Variants in ATAD5 observed in about 807,000 individuals in gnomAD.
ATAD5 encodes the protein ATPase family AAA domain-containing protein 5.
ATAD5 carries 58 observed loss-of-function variants against 176.9 expected under a neutral mutation model. That is an observed-to-expected ratio of 0.33 (90% CI 0.27 to 0.41). ATAD5 has a LOEUF of 0.41. ATAD5 is among the 10% of genes least tolerant of loss of function. The pLI, the probability that ATAD5 is intolerant of heterozygous loss-of-function variation, is 1.00. For missense variants in ATAD5, 1,789 were observed against 2,094.1 expected, an observed-to-expected ratio of 0.85 and a Z score of 2.84; for synonymous variants, 640 against 712.6, an observed-to-expected ratio of 0.90 and a Z score of 1.62.
rs543260060 is a variant in ATAD5 at position 30,842,469 on chromosome 17, C to G, written c.2242-1444C>G. 1.5e-3 allele frequency among the ~76,000 whole-genome samples: 229 copies of G among 152,240 alleles called. 1 individual carries two copies. Among genetic ancestry groups the G allele is most frequent in the Non-Finnish European group, 1.9e-3 (126 of 68,028 alleles). On this transcript the variant is annotated intron_variant, in intron 4 of 22. Coordinates refer to ENST00000321990, the MANE Select transcript of ATAD5 (RefSeq NM_024857.5). ...ATCTGCTCATGGGCTAGCTCTCCCT[C>G]TCTCCCCTACATTCAGATGTAACAT...
At chr17:30,851,993 T>A (rs749982732) in intron 6 of ATAD5, among the ~76,000 whole-genome samples, 4 of 152,196 alleles carry the variant, frequency 2.6e-5, no homozygotes, top group Non-Finnish European at 5.9e-5. Context: ...AATGCCAAAA[T>A]CTTGTTTCTC....
chr17:30,876,092 A>C (rs1399889174), intron 14 of ATAD5, among the ~76,000 whole-genome samples: 1 of 150,890 alleles, frequency 6.6e-6, no homozygotes, highest in African/African-American at 2.4e-5. Flanking sequence ...AGCCGAGATC[A>C]TGCCACTGCA....
intron 18 of ATAD5, among the ~76,000 whole-genome samples, chr17:30,884,882 G>A (rs1909230222): frequency 6.6e-6 from 1 of 151,726 alleles, no homozygotes; most frequent in South Asian, 2.1e-4. Context: ...CGAGTAGCTG[G>A]GACTACAGGC....
intron 11 of ATAD5, among the ~76,000 whole-genome samples, chr17:30,867,038 T>G (rs1908031933): frequency 1.3e-5 from 2 of 151,840 alleles, no homozygotes; most frequent in African/African-American, 2.4e-5. Flanking sequence ...TTCTAAGTAC[T>G]TGTATTGTTC....
chr17:30,876,414 A>G lies in ATAD5; in HGVS notation c.3648A>G (p.Arg1216=). The G allele has an allele frequency of 6.2e-7, 1 of 1,602,520 alleles. No homozygotes were observed. Among genetic ancestry groups the G allele is most frequent in the African/African-American group, 1.3e-5 (1 of 74,446 alleles). ...SSPKKVVTSP[R]KVPPPSPKSS... The stretch of plus-strand genomic sequence containing the variant: ...CTAAGAAAGTTGTTACATCACCAAG[A>G]AAAGTTCCTCCACCATCACCAAAAA... The change falls in exon 15 of 23, where the codon AGA becomes AGG. Residue 1216 remains arginine, a synonymous_variant. Transcript: ENST00000321990.
chr17:30,846,430 G>T, intron 6 of ATAD5, among the ~76,000 whole-genome samples: 1 of 146,476 alleles, frequency 6.8e-6, no homozygotes. Context: ...TTTAGACGGA[G>T]TCTCACTCTG....
In ATAD5 at chr17:30,850,833, T is replaced by TTTTATATATA. The variant is rs1158266099; in HGVS notation, c.2451-4309_2451-4308insTTATATATAT. On this transcript the variant is annotated intron_variant, in intron 6 of 22. Transcript: ENST00000321990. ...AATTATTATTTATATTTATATATTTTTATATATATATATATATATATATAT... is the reference window on the plus strand; with the variant it reads ...AATTATTATTTATATTTATATATTTTTTTATATATATATATATATATATATATATATATAT... 2.9e-4 allele frequency among the ~76,000 whole-genome samples: 8 copies of TTTTATATATA among 27,840 alleles called. 1 individual carries two copies. Among genetic ancestry groups the TTTTATATATA allele is most frequent in the East Asian group, 2.0e-3 (2 of 1,016 alleles). 18.3% of individuals were successfully genotyped at this position (27,840 alleles called of 152,430 possible).
chr17:30,873,297 C>A (rs1908444609), intron 14 of ATAD5, among the ~76,000 whole-genome samples: 1 of 149,402 alleles, frequency 6.7e-6, no homozygotes, highest in Non-Finnish European at 1.5e-5. Flanking sequence ...GAAGGTAGTT[C>A]TTTTGGTGTG....
intron 10 of ATAD5, 33 bp from the exon 11 acceptor site, chr17:30,865,671 T>C (rs1223155329): frequency 1.5e-6 from 2 of 1,360,380 alleles, no homozygotes; most frequent in African/African-American, 3.0e-5. Context: ...TGTCAAGGAA[T>C]GAATACCTTA....
chr17:30,888,811 T>C (rs1356835645), intron 19 of ATAD5, among the ~76,000 whole-genome samples: 1 of 152,114 alleles, frequency 6.6e-6, no homozygotes, highest in East Asian at 1.9e-4. Flanking sequence ...CTCACGCCTG[T>C]AATCCCAGCA....
Position 30,877,398 on chromosome 17 carries a change from A to T in ATAD5, c.3785-18A>T. The T allele has an allele frequency of 7.1e-7, 1 of 1,418,422 alleles. No homozygotes were observed. Among genetic ancestry groups the T allele is most frequent in the Non-Finnish European group, 9.8e-7 (1 of 1,023,416 alleles). 87.9% of individuals were successfully genotyped at this position (1,418,422 alleles called of 1,614,324 possible). ...AAAAGTTGATTTTACCTAAAATATT[A>T]ATATTGTATTTATGCAGGAATAAAA... On this transcript the variant is annotated intron_variant, in intron 15 of 22. Transcript: ENST00000321990.
At chr17:30,846,864 G>T (rs1185074947) in intron 6 of ATAD5, among the ~76,000 whole-genome samples, 1 of 151,518 alleles carries the variant, frequency 6.6e-6, no homozygotes, top group East Asian at 1.9e-4. Context: ...GGGATTACAG[G>T]CATGTGCCAC....
At chr17:30,883,194 A>G (rs1342810723) in intron 18 of ATAD5, among the ~76,000 whole-genome samples, 1 of 145,786 alleles carries the variant, frequency 6.9e-6, no homozygotes. Context: ...GCTCAGTCTC[A>G]GCTCACTGCA....
chr17:30,837,877 C>G (rs961018904), intron 3 of ATAD5, among the ~76,000 whole-genome samples: 2 of 152,178 alleles, frequency 1.3e-5, no homozygotes, highest in Admixed American at 1.3e-4. Flanking sequence ...GGGATGTATT[C>G]AGTCTGTAAC....
Position 30,834,678 on chromosome 17 carries a change from A to G in ATAD5, c.597A>G (p.Lys199=). 1.9e-6 allele frequency: 3 copies of G among 1,610,170 alleles called. No individual in the cohort carries two copies. The highest frequency in any genetic ancestry group is 2.5e-6 in the Non-Finnish European group (3 of 1,179,104). The stretch of plus-strand genomic sequence containing the variant: ...TAAATCCTAAACAAGGGACCACAAA[A>G]AATGACTTCAAAAAGTTGAGAAAAA... ...KKVNPKQGTT[K]NDFKKLRKRK... Residue 199 remains lysine (K), a synonymous_variant, in exon 2 of 23, where the codon AAA becomes AAG. Transcript: ENST00000321990.
At chr17:30,886,372 T>TTTAA in intron 18 of ATAD5, among the ~76,000 whole-genome samples, 1 of 146,560 alleles carries the variant, frequency 6.8e-6, no homozygotes, top group East Asian at 2.0e-4. Context: ...AATTGAATTA[T>TTTAA]TTTATTTATT....
Position 30,876,236 on chromosome 17 carries a change from A to ATGT in ATAD5, c.3608-137_3608-136insGTT, listed in dbSNP as rs1043912336. 7 of 629,462 alleles carry ATGT rather than the reference A, an allele frequency of 1.1e-5. No individual in the cohort carries two copies. In the Admixed American group the frequency reaches 2.2e-4, roughly 20 times the overall value. The allele number at this position is 629,462 out of a possible 1,614,324, so 39.0% of individuals were successfully genotyped here. A position where few individuals can be genotyped will look rare whatever the true frequency, so the allele number is the denominator to read the frequency against. Reference sequence around the variant, plus strand: ...ATAGTAATATTTGGATGTACATAGTATTTTTAAGAATGAAAGAAAATTTCT... The same window carrying ATGT: ...ATAGTAATATTTGGATGTACATAGTATGTTTTTTAAGAATGAAAGAAAATTTCT... On this transcript the variant is annotated intron_variant, in intron 14 of 22. Transcript: ENST00000321990.
At chr17:30,854,308 TTTA>T (rs986878801) in intron 6 of ATAD5, among the ~76,000 whole-genome samples, 42 of 147,858 alleles carry the variant, frequency 2.8e-4, no homozygotes, top group Middle Eastern at 7.1e-3. Flanking sequence ...TTTAGGTAAA[TTTA>T]TTACCTAAAA....
At chr17:30,889,482 TA>T (rs1165831061) in intron 19 of ATAD5, among the ~76,000 whole-genome samples, 2 of 151,942 alleles carry the variant, frequency 1.3e-5, no homozygotes, top group African/African-American at 4.8e-5. Flanking sequence ...TATGAGTATA[TA>T]TATATATAGG....
Sources: gnomAD v4.1 joint callset for allele counts (sites outside exome capture counted in the v4.1 genomes callset) on GRCh38, gnomAD v4.1.1 for gene constraint, MANE v1.5 for transcripts, NCBI Gene and HGNC (gene_info 2026-07-23, HGNC 2026-07-21) for gene names.